Variants in MAN2B1 observed in about 807,000 individuals in gnomAD.
MAN2B1 encodes lysosomal alpha-mannosidase.
A neutral mutation model predicts 127.5 loss-of-function variants in MAN2B1; 99 were observed. The ratio of observed to expected loss-of-function variants is 0.78; its 90% confidence interval spans 0.66 to 0.92. The LOEUF (loss-of-function observed/expected upper bound fraction) is 0.92, where lower values mean the gene tolerates loss of function less well. Among genes scored for constraint, MAN2B1 ranks in the 40% least tolerant of loss-of-function variants. The pLI is 0.00. For missense variants in MAN2B1, 1,304 were observed against 1,384.8 expected (o/e 0.94, Z 0.93); for synonymous variants, 573 against 568.8 (o/e 1.01, Z -0.11).
intron 5 of MAN2B1, 98 bp from the exon 6 acceptor site, chr19:12,663,560 T>A: frequency 6.4e-7 from 1 of 1,568,944 alleles, no homozygotes; most frequent in African/African-American, 1.4e-5. Flanking sequence ...TCAGAATTTG[T>A]GTCCCAATGC....
Position 12,655,875 on chromosome 19 carries a change from A to G in MAN2B1, c.1649T>C (p.Val550Ala). The G allele has an allele frequency of 6.2e-7, 1 of 1,613,508 alleles. No homozygotes were observed. Among genetic ancestry groups the G allele is most frequent in the Non-Finnish European group, 8.5e-7 (1 of 1,179,800 alleles). ...CTGGCTGTCTGAGCTGGGAAATATT[A>G]CCACCTCGGATAAAGGAGGAGGGAA... ...PNGRTVPSDV[V>A]IFPSSDSQAH... Residue 550 changes from valine to alanine, a missense_variant, in exon 14 of 24, where the codon GTA (valine) becomes GCA (alanine). Transcript: ENST00000456935.
In MAN2B1 at chr19:12,655,866, G is replaced by A. The variant is rs868050025; in HGVS notation, c.1658C>T (p.Pro553Leu). The A allele has an allele frequency of 6.2e-7, 1 of 1,613,650 alleles. No individual in the cohort carries two copies. The highest frequency in any genetic ancestry group is 2.2e-5 in the East Asian group (1 of 44,884). ...AGGGTGCGCCTGGCTGTCTGAGCTG[G>A]GAAATATTACCACCTCGGATAAAGG... The part of the protein sequence containing the change: ...RTVPSDVVIF[P>L]SSDSQAHPPE... Residue 553 changes from proline to leucine, a missense_variant, in exon 14 of 24, where the codon CCC (proline) becomes CTC (leucine). Coordinates refer to ENST00000456935, the MANE Select transcript of MAN2B1 (RefSeq NM_000528.4).
chr19:12,646,671 C>G lies in MAN2B1; in HGVS notation c.2985G>C (p.Met995Ile). ...LDPANITLEPMEIRTFLASVQ... is the reference protein window; with the variant it reads ...LDPANITLEPIEIRTFLASVQ... ...CTGAGGCCAGGAAAGTGCGGATTTC[C>G]ATGGGTTCCAGCGTGATGTTGGCCG... The change falls in exon 24 of 24, where the codon ATG becomes ATC. Residue 995 changes from methionine to isoleucine, a missense_variant. Transcript: ENST00000456935. The G allele has an allele frequency of 6.2e-7, 1 of 1,614,126 alleles. No homozygotes were observed. The highest frequency in any genetic ancestry group is 1.1e-5 in the South Asian group (1 of 91,076).
chr19:12,653,057 C>G (rs576664056), intron 14 of MAN2B1, among the ~76,000 whole-genome samples: 5 of 151,022 alleles, frequency 3.3e-5, no homozygotes, highest in Non-Finnish European at 7.4e-5. Flanking sequence ...TGGTCTCCAA[C>G]TCCTGACCTC....
At position 12,647,350 on chromosome 19, in the gene MAN2B1, A is replaced by T. The variant is rs750273286; in HGVS notation, c.2821-15T>A. On this transcript the variant is annotated splice_polypyrimidine_tract_variant and intron_variant, in intron 22 of 23. Coordinates refer to ENST00000456935, the MANE Select transcript of MAN2B1 (RefSeq NM_000528.4). This position sits in a 1 kb window ranked among gnomAD's most constrained non-coding sequence, Gnocchi z 4.9. The stretch of plus-strand genomic sequence containing the variant: ...GAGAACAGGTCCTGCGGGGAAGGGG[A>T]TGGGCCCAGATGAGTTGGGGCAAAG... 4.3e-6 allele frequency: 7 copies of T among 1,610,926 alleles called. No individual in the cohort carries two copies. In the South Asian group the frequency reaches 7.7e-5, roughly 18 times the overall value.
chr19:12,648,161 C>T lies in MAN2B1; in HGVS notation c.2664+14G>A, dbSNP rs1329882664. The stretch of plus-strand genomic sequence containing the variant: ...TTCAATCCGGTCCTCTCTGCCTACC[C>T]CGCTGCCCCTCACCTGCGTGCGCGG... On this transcript the variant is annotated intron_variant, in intron 21 of 23. Coordinates refer to ENST00000456935, the MANE Select transcript of MAN2B1 (RefSeq NM_000528.4). 6.5e-7 allele frequency: 1 copy of T among 1,533,610 alleles called. No individual in the cohort carries two copies. The highest frequency in any genetic ancestry group is 8.7e-7 in the Non-Finnish European group (1 of 1,145,422).
At chr19:12,659,949 T>C (rs2024064734) in intron 7 of MAN2B1, among the ~76,000 whole-genome samples, 1 of 152,086 alleles carries the variant, frequency 6.6e-6, no homozygotes, top group African/African-American at 2.4e-5. Context: ...TGCACCGTAG[T>C]GAGGACAAGA....
rs756257725 is a variant in MAN2B1, at chr19:12,665,692, C to T, written c.262+11G>A. Reference sequence around the variant, plus strand: ...GGGGATCCCAGGGACCAGTCCCCATCCTCTACTCACTTCCATAAAAGTACT... The same window carrying T: ...GGGGATCCCAGGGACCAGTCCCCATTCTCTACTCACTTCCATAAAAGTACT... On this transcript the variant is annotated intron_variant, in intron 2 of 23. Coordinates refer to ENST00000456935, the MANE Select transcript of MAN2B1 (RefSeq NM_000528.4). 11 of 1,612,530 alleles carry T rather than the reference C, an allele frequency of 6.8e-6. No individual in the cohort carries two copies. The South Asian group carries it at 1.2e-4, about 18-fold the overall frequency.
In MAN2B1 at chr19:12,666,691, T is replaced by C; in HGVS notation, c.11A>G (p.Tyr4Cys). The change falls in exon 1 of 24, where the codon TAC becomes TGC. Residue 4 changes from tyrosine to cysteine, a missense_variant. By Grantham distance (194) the Tyr-to-Cys change is radical. Coordinates refer to ENST00000456935, the MANE Select transcript of MAN2B1 (RefSeq NM_000528.4). The part of the protein sequence containing the change: MGA[Y>C]ARASGVCARG... The stretch of plus-strand genomic sequence containing the variant: ...AGCGCAGACCCCCGAAGCCCGCGCG[T>C]AGGCGCCCATGGCTCAGCAGCTTCC... The C allele has an allele frequency of 6.5e-7, 1 of 1,549,602 alleles. No individual in the cohort carries two copies. Among genetic ancestry groups the C allele is most frequent in the Non-Finnish European group, 8.7e-7 (1 of 1,146,908 alleles).
chr19:12,656,557 T>C lies in MAN2B1; in HGVS notation c.1644+14A>G. On this transcript the variant is annotated intron_variant, in intron 13 of 23. Transcript: ENST00000456935. ...AGGAGTCCCAGCGGGGGAATATTCG[T>C]TGTTTGGGCTCACATCGCTGGGCAC... 1 of 1,593,840 alleles carries C rather than the reference T, an allele frequency of 6.3e-7. No homozygotes were observed. The highest frequency in any genetic ancestry group is 8.6e-7 in the Non-Finnish European group (1 of 1,161,626).
chr19:12,666,441 C>G, intron 1 of MAN2B1, 102 bp downstream of exon 1: 16 of 1,300,818 alleles, frequency 1.2e-5, no homozygotes, highest in Non-Finnish European at 1.7e-5. Flanking sequence ...ATATCATCAG[C>G]CATTCACTAG....
At chr19:12,651,013 A>G (rs1425016653) in intron 16 of MAN2B1, among the ~76,000 whole-genome samples, 1 of 137,742 alleles carries the variant, frequency 7.3e-6, no homozygotes, top group Non-Finnish European at 1.5e-5. Context: ...ATCACTATGT[A>G]GGCACCTAAT....
chr19:12,647,129 G>T lies in MAN2B1; in HGVS notation c.2923+104C>A. The T allele has an allele frequency of 2.7e-6, 3 of 1,114,106 alleles. No homozygotes were observed. The highest frequency in any genetic ancestry group is 4.1e-6 in the Non-Finnish European group (3 of 730,140). The allele number at this position is 1,114,106 out of a possible 1,614,324, so 69.0% of individuals were successfully genotyped here. A position where few individuals can be genotyped will look rare whatever the true frequency, so the allele number is the denominator to read the frequency against. On this transcript the variant is annotated intron_variant, in intron 23 of 23. Transcript: ENST00000456935. The surrounding 1 kb of genome is among the most constrained non-coding windows in gnomAD (Gnocchi z 4.9). Reference sequence around the variant, plus strand: ...TCTGGACTCTGCCCCATACCCTCATGACCTTTTTGGGTCCTGGCCAACATC... The same window carrying T: ...TCTGGACTCTGCCCCATACCCTCATTACCTTTTTGGGTCCTGGCCAACATC...
intron 4 of MAN2B1, among the ~76,000 whole-genome samples, chr19:12,664,451 G>A (rs949269017): frequency 6.6e-6 from 1 of 152,200 alleles, no homozygotes; most frequent in Non-Finnish European, 1.5e-5. Context: ...CTGAGCACAG[G>A]TAATGAACCT....
intron 5 of MAN2B1, 96 bp from the exon 6 acceptor site, chr19:12,663,558 T>A (rs1421638515): frequency 3.8e-6 from 6 of 1,569,078 alleles, no homozygotes; most frequent in Non-Finnish European, 5.2e-6. Context: ...CTTCAGAATT[T>A]GTGTCCCAAT....
rs781005116 is a variant in MAN2B1 at position 12,655,820 on chromosome 19, G to A, written c.1704C>T (p.Ala568=). Residue 568 remains alanine (A), a synonymous_variant, in exon 14 of 24, where the codon GCC becomes GCT. Transcript: ENST00000456935. ...QAHPPELLFS[A]SLPALGFSTY... is the part of the protein sequence containing the mutation. ...TGCTGAAGCCCAGGGCGGGCAGTGA[G>A]GCTGAGAACAGCAGCTCCGGAGGGT... 2 of 1,613,692 alleles carry A rather than the reference G, an allele frequency of 1.2e-6. No homozygotes were observed. The highest frequency in any genetic ancestry group is 1.1e-5 in the South Asian group (1 of 91,084).
chr19:12,657,048 CAGA>C lies in MAN2B1; in HGVS notation c.1425_1427del (p.Leu476del), dbSNP rs768030037. On this transcript the variant is annotated inframe_deletion, in exon 12 of 24. Transcript: ENST00000456935. Reference sequence around the variant, plus strand: ...CTCTGAGCCGCGCCAGCGCGTTGCTCAGAAGAACCTGCGGAAGAGCGCAAAGGG... The same window carrying C: ...CTCTGAGCCGCGCCAGCGCGTTGCTCAGAACCTGCGGAAGAGCGCAAAGGG... The C allele has an allele frequency of 8.7e-6, 14 of 1,607,352 alleles. No homozygotes were observed. Among genetic ancestry groups the C allele is most frequent in the South Asian group, 3.3e-5 (3 of 90,638 alleles).
chr19:12,661,170 A>G, intron 7 of MAN2B1, 90 bp downstream of exon 7: 1 of 878,394 alleles, frequency 1.1e-6, no homozygotes, highest in South Asian at 1.3e-5. Flanking sequence ...ATAGAAAACA[A>G]AGACAGCACT....
In MAN2B1 at chr19:12,647,511, C is replaced by T; in HGVS notation, c.2752G>A (p.Glu918Lys). 2 of 1,614,206 alleles carry T rather than the reference C, an allele frequency of 1.2e-6. No homozygotes were observed. Among genetic ancestry groups the T allele is most frequent in the Non-Finnish European group, 1.7e-6 (2 of 1,180,016 alleles). ...WGPEMVLLRL[E>K]HQFAVGEDSG... The stretch of plus-strand genomic sequence containing the variant: ...TCCTCTCCTACGGCAAACTGGTGCT[C>T]CAAGCGCAGCAGCACCATTTCGGGG... The change falls in exon 22 of 24, where the codon GAG (glutamate) becomes AAG (lysine). Residue 918 changes from glutamate (E) to lysine (K), a missense_variant. Glu to Lys is a moderately conservative substitution (Grantham distance 56). Transcript: ENST00000456935. This position sits in a 1 kb window ranked among gnomAD's most constrained non-coding sequence, Gnocchi z 4.9.
Sources: allele counts gnomAD v4.1 joint callset (sites outside exome capture counted in the v4.1 genomes callset), GRCh38; gene constraint gnomAD v4.1.1; non-coding constraint Gnocchi (gnomAD v3.1); transcripts MANE v1.5; gene names NCBI Gene and HGNC (gene_info 2026-07-23, HGNC 2026-07-21).